Variants in CPNE5 observed in about 807,000 individuals in gnomAD.
CPNE5 encodes copine-5.
Under a neutral mutation model 81.1 loss-of-function variants are expected in CPNE5, and 42 were observed. That is an observed-to-expected ratio of 0.52 (90% CI 0.40 to 0.67). CPNE5 has a LOEUF of 0.67. Ranked by LOEUF, CPNE5 falls within the 30% of genes least tolerant of loss-of-function variation. The pLI is 0.00. For missense variants in CPNE5, 612 were observed against 815.5 expected, an observed-to-expected ratio of 0.75 and a Z score of 3.04; for synonymous variants, 313 against 321.5, an observed-to-expected ratio of 0.97 and a Z score of 0.28.
At position 36,746,273 on chromosome 6, in the gene CPNE5, A is replaced by C. The variant is rs1582689780; in HGVS notation, c.1200+123T>G. On this transcript the variant is annotated intron_variant, in intron 16 of 20. Coordinates refer to ENST00000244751, the MANE Select transcript of CPNE5 (RefSeq NM_020939.2). The surrounding 1 kb of genome is among the most constrained non-coding windows in gnomAD (Gnocchi z 4.5). ...CCCCCCTACACACAGCAGGCAGTCT[A>C]CCTCCACTGAGGCTGAGCCTTAAGT... 6.9e-7 allele frequency: 1 copy of C among 1,440,978 alleles called. No individual in the cohort carries two copies. The allele number at this position is 1,440,978 out of a possible 1,614,324, so 89.3% of individuals were successfully genotyped here.
Position 36,799,961 on chromosome 6 carries a change from A to T in CPNE5, c.287+6T>A. The stretch of plus-strand genomic sequence containing the variant: ...GGCTGCATCTTCAGCACCATCTTCC[A>T]CTTACAGATCAAAACGGAGGTTCTG... On this transcript the variant is annotated splice_donor_region_variant and intron_variant, in intron 4 of 20. Transcript: ENST00000244751. 1.2e-6 allele frequency: 2 copies of T among 1,601,628 alleles called. No homozygotes were observed. Among genetic ancestry groups the T allele is most frequent in the Non-Finnish European group, 1.7e-6 (2 of 1,168,760 alleles).
chr6:36,765,849 G>C (rs1209659962), intron 10 of CPNE5, among the ~76,000 whole-genome samples: 1 of 151,310 alleles, frequency 6.6e-6, no homozygotes, highest in African/African-American at 2.4e-5. Context: ...GCACGTCAGG[G>C]AGGAGCCCAG....
intron 7 of CPNE5, 51 bp downstream of exon 7, chr6:36,794,539 A>C (rs753688211): frequency 6.4e-7 from 1 of 1,556,888 alleles, no homozygotes; most frequent in Admixed American, 1.7e-5. Flanking sequence ...CCCTTTGCAG[A>C]GCTGGCTGAA....
intron 3 of CPNE5, among the ~76,000 whole-genome samples, chr6:36,809,940 C>T (rs1770949023): frequency 6.6e-6 from 1 of 151,786 alleles, no homozygotes. Flanking sequence ...CATCCACGAT[C>T]TCATTTAACC....
At chr6:36,753,007 C>A in intron 14 of CPNE5, 27 bp downstream of exon 14, 1 of 1,589,450 alleles carries the variant, frequency 6.3e-7, no homozygotes. Flanking sequence ...CCCCAAGGCC[C>A]ATGAAATTGG....
chr6:36,769,518 C>CA (rs1766869156), intron 10 of CPNE5, among the ~76,000 whole-genome samples: 1 of 152,388 alleles, frequency 6.6e-6, no homozygotes, highest in East Asian at 1.9e-4. Context: ...CTCTGCCTGG[C>CA]AGGGGGAAGG....
At chr6:36,756,218 G>C (rs377169402) in intron 13 of CPNE5, 27 bp downstream of exon 13, 3 of 1,607,032 alleles carry the variant, frequency 1.9e-6, no homozygotes, top group Non-Finnish European at 2.6e-6. Flanking sequence ...TCTACACCCG[G>C]CTGCAGAGAC....
Position 36,822,130 on chromosome 6 carries a change from T to G in CPNE5, c.167A>C (p.Asn56Thr). ...TGCACCTACCTCCCGCCACTGCTTG[T>G]TCTCCATCCCTTGGGTATACATGAC... ...LCVMYTQGME[N>T]KQWREFGRTE... Residue 56 changes from asparagine (N) to threonine (T), a missense_variant, in exon 3 of 21, where the codon AAC (asparagine) becomes ACC (threonine). Asn to Thr is a moderately conservative substitution (Grantham distance 65). Coordinates refer to ENST00000244751, the MANE Select transcript of CPNE5 (RefSeq NM_020939.2). 1 of 1,539,668 alleles carries G rather than the reference T, an allele frequency of 6.5e-7. No homozygotes were observed. Among genetic ancestry groups the G allele is most frequent in the Non-Finnish European group, 8.8e-7 (1 of 1,137,658 alleles).
At chr6:36,826,062 G>T (rs1772474535) in intron 1 of CPNE5, among the ~76,000 whole-genome samples, 1 of 152,172 alleles carries the variant, frequency 6.6e-6, no homozygotes, top group African/African-American at 2.4e-5. Context: ...TCCAAGTGTG[G>T]CTCTAGAACT....
At chr6:36,810,229 C>T (rs1770977491) in intron 3 of CPNE5, among the ~76,000 whole-genome samples, 1 of 152,100 alleles carries the variant, frequency 6.6e-6, no homozygotes, top group South Asian at 2.1e-4. Context: ...GATTGAGCTT[C>T]GGAGCCATCC....
chr6:36,813,180 A>G (rs983159987), intron 3 of CPNE5, among the ~76,000 whole-genome samples: 9 of 152,184 alleles, frequency 5.9e-5, no homozygotes, highest in Admixed American at 3.9e-4. Context: ...CTCTGCACAC[A>G]GTGGCCAGGG....
In CPNE5 at chr6:36,839,044, G is replaced by A. The variant is rs1000081906; in HGVS notation, c.95+239C>T. ...TGTTCCTGTGTCTTCATATCTCCTC[G>A]ATGCAACAGCCTGGAGCGCAAACTT... On this transcript the variant is annotated intron_variant, in intron 1 of 20. Coordinates refer to ENST00000244751, the MANE Select transcript of CPNE5 (RefSeq NM_020939.2). The surrounding 1 kb of genome is among the most constrained non-coding windows in gnomAD (Gnocchi z 7.3). 1.3e-5 allele frequency among the ~76,000 whole-genome samples: 2 copies of A among 152,140 alleles called. No individual in the cohort carries two copies. The highest frequency in any genetic ancestry group is 2.4e-5 in the African/African-American group (1 of 41,432).
In CPNE5 at chr6:36,775,038, G is replaced by T; in HGVS notation, c.660C>A (p.Val220=). 6.2e-7 allele frequency: 1 copy of T among 1,614,166 alleles called. No homozygotes were observed. The highest frequency in any genetic ancestry group is 1.1e-5 in the South Asian group (1 of 91,068). ...GTFTICHKTE[V]MKNTLNPVWQ... ...AGACTGGATTTAGGGTGTTCTTCAT[G>T]ACCTCGGTCTTGTGGCAAATGGTGA... The change falls in exon 10 of 21, where the codon GTC becomes GTA. Residue 220 remains valine (V), a synonymous_variant. Transcript: ENST00000244751.
chr6:36,745,354 G>T (rs746597357), intron 17 of CPNE5, 34 bp downstream of exon 17: 87 of 1,593,708 alleles, frequency 5.5e-5, no homozygotes, highest in Non-Finnish European at 6.9e-5. Flanking sequence ...CAGAGGCCTT[G>T]TGAGTGCCTG....
rs199837144 is a variant in CPNE5 at position 36,745,029 on chromosome 6, C to G, written c.1431+19G>C. 106 of 1,584,874 alleles carry G rather than the reference C, an allele frequency of 6.7e-5. No individual in the cohort carries two copies. The East Asian group carries it at 1.8e-3, about 27-fold the overall frequency. On this transcript the variant is annotated intron_variant, in intron 18 of 20. Transcript: ENST00000244751. ...GACACTCCTCAAACCGCCTCCCCCA[C>G]CGCACACTCCTTGCTTACGTTGACA...
At chr6:36,788,508 C>A (rs937580373) in intron 8 of CPNE5, among the ~76,000 whole-genome samples, 1 of 151,774 alleles carries the variant, frequency 6.6e-6, no homozygotes, top group African/African-American at 2.4e-5. Flanking sequence ...TTAGGCAGAC[C>A]ACTAACTTCT....
intron 1 of CPNE5, among the ~76,000 whole-genome samples, chr6:36,835,187 C>T (rs1473577065): frequency 6.6e-6 from 1 of 152,232 alleles, no homozygotes; most frequent in Non-Finnish European, 1.5e-5. Context: ...CAGCAGGACC[C>T]TGCGCAAGTG....
In CPNE5 at chr6:36,773,793, C is replaced by T. The variant is rs552082999; in HGVS notation, c.737+1168G>A. On this transcript the variant is annotated intron_variant, in intron 10 of 20. Coordinates refer to ENST00000244751, the MANE Select transcript of CPNE5 (RefSeq NM_020939.2). ...CCAGGTATCTGGTATCTACACTCAA[C>T]AATCTACACTCAAATGATGATGAAG... 5.3e-5 allele frequency among the ~76,000 whole-genome samples: 8 copies of T among 151,282 alleles called. No homozygotes were observed. In the South Asian group the frequency reaches 1.7e-3, roughly 32 times the overall value.
chr6:36,756,651 G>A (rs567973378), intron 12 of CPNE5, among the ~76,000 whole-genome samples: 1 of 152,246 alleles, frequency 6.6e-6, no homozygotes, highest in African/African-American at 2.4e-5. Flanking sequence ...CCTTGTGTTG[G>A]TTGAGGCTGC....
Sources: gnomAD v4.1 joint callset for allele counts (sites outside exome capture counted in the v4.1 genomes callset) on GRCh38, gnomAD v4.1.1 for gene constraint, Gnocchi (gnomAD v3.1) non-coding constraint, MANE v1.5 for transcripts, NCBI Gene and HGNC (gene_info 2026-07-23, HGNC 2026-07-21) for gene names.